SGCD: variants seen among roughly 807,000 people sequenced by gnomAD.
SGCD encodes the protein delta-sarcoglycan.
Under a neutral mutation model 36.6 loss-of-function variants are expected in SGCD, and 18 were observed. That is an observed-to-expected ratio of 0.49 (90% CI 0.34 to 0.73). SGCD has a LOEUF of 0.73. Ranked by LOEUF, SGCD falls within the 30% of genes least tolerant of loss-of-function variation. The probability of loss-of-function intolerance (pLI) is 0.01; values close to 1 mark genes in which losing one functional copy is unlikely to be tolerated. For missense variants in SGCD, 387 were observed against 346.7 expected (o/e 1.12, Z -0.92); for synonymous variants, 133 against 130.6 (o/e 1.02, Z -0.12).
chr5:156,617,059 A>G (rs138360058), intron 6 of SGCD, among the ~76,000 whole-genome samples: 117 of 152,336 alleles, frequency 7.7e-4, no homozygotes, highest in Middle Eastern at 6.8e-3. Context: ...GACATGATGT[A>G]TATTTGTTCA....
intron 1 of SGCD, among the ~76,000 whole-genome samples, chr5:155,888,204 C>T (rs1756048964): frequency 6.6e-6 from 1 of 152,192 alleles, no homozygotes. Context: ...ACTTTGTCCC[C>T]AGGTTCTCCT....
At chr5:156,718,012 A>G (rs1755305444) in intron 7 of SGCD, among the ~76,000 whole-genome samples, 1 of 152,192 alleles carries the variant, frequency 6.6e-6, no homozygotes, top group African/African-American at 2.4e-5. Context: ...ACTGTAACCA[A>G]GATTTGTCAT....
intron 1 of SGCD, among the ~76,000 whole-genome samples, chr5:155,998,792 A>G (rs921134354): frequency 3.9e-5 from 6 of 152,230 alleles, no homozygotes; most frequent in South Asian, 2.1e-4. Flanking sequence ...CACACTTTCT[A>G]TGACTTACCT....
intron 3 of SGCD, among the ~76,000 whole-genome samples, chr5:156,489,440 C>T (rs1240910768): frequency 1.3e-5 from 2 of 152,004 alleles, no homozygotes; most frequent in East Asian, 1.9e-4. Flanking sequence ...CTCAACTATA[C>T]ATAGAACATT....
At chr5:156,536,881 T>C (rs932534565) in intron 4 of SGCD, among the ~76,000 whole-genome samples, 2 of 152,182 alleles carry the variant, frequency 1.3e-5, no homozygotes, top group African/African-American at 4.8e-5. Flanking sequence ...CCTTTGGTTG[T>C]CTGGGCCCTC....
chr5:155,763,799 C>A, the SGCD span, among the ~76,000 whole-genome samples: 3 of 146,436 alleles, frequency 2.0e-5, no homozygotes, highest in African/African-American at 7.6e-5. Context: ...AAGCAATGAC[C>A]CCCCACCAAA....
intron 3 of SGCD, among the ~76,000 whole-genome samples, chr5:156,470,049 T>C (rs1375117598): frequency 6.6e-6 from 1 of 152,206 alleles, no homozygotes; most frequent in Non-Finnish European, 1.5e-5. Flanking sequence ...GTATACATTA[T>C]ATTCAATGTT....
At chr5:156,070,444 T>C (rs1367594898) in intron 1 of SGCD, among the ~76,000 whole-genome samples, 2 of 150,842 alleles carry the variant, frequency 1.3e-5, no homozygotes, top group Non-Finnish European at 2.9e-5. Flanking sequence ...TATTGATTTG[T>C]GTATATTGAA....
intron 4 of SGCD, among the ~76,000 whole-genome samples, chr5:156,547,150 A>G (rs974233567): frequency 1.3e-5 from 2 of 152,180 alleles, no homozygotes; most frequent in Non-Finnish European, 2.9e-5. Flanking sequence ...TTCCAGAATA[A>G]GTTTCTCAGC....
intron 1 of SGCD, among the ~76,000 whole-genome samples, chr5:155,890,045 C>T (rs952959698): frequency 6.6e-6 from 1 of 152,176 alleles, no homozygotes; most frequent in Non-Finnish European, 1.5e-5. Context: ...GATTCTAAGA[C>T]TCCAGGTCCA....
chr5:156,581,202 C>G (rs531049293), intron 4 of SGCD, among the ~76,000 whole-genome samples: 6 of 152,302 alleles, frequency 3.9e-5, no homozygotes, highest in Middle Eastern at 3.4e-3. Flanking sequence ...CACTCCAGAC[C>G]CTGTTTGCCT....
At chr5:156,705,895 G>A (rs1294393558) in intron 7 of SGCD, among the ~76,000 whole-genome samples, 6 of 151,992 alleles carry the variant, frequency 3.9e-5, no homozygotes, top group South Asian at 2.1e-4. Flanking sequence ...CTTGTCCTTC[G>A]CTACTATTTT....
At chr5:156,054,056 C>T (rs749398284) in intron 1 of SGCD, among the ~76,000 whole-genome samples, 2 of 145,638 alleles carry the variant, frequency 1.4e-5, no homozygotes, top group African/African-American at 2.5e-5. Context: ...ATGAGAGGGA[C>T]ACCAACATTC....
At chr5:155,738,785 TGA>T in the SGCD span, among the ~76,000 whole-genome samples, 1 of 145,266 alleles carries the variant, frequency 6.9e-6, no homozygotes, top group Non-Finnish European at 1.5e-5. Flanking sequence ...AGAATGTGTG[TGA>T]GTGTGCATGT....
At chr5:155,736,389 A>G in the SGCD span, among the ~76,000 whole-genome samples, 5 of 152,112 alleles carry the variant, frequency 3.3e-5, no homozygotes, top group African/African-American at 1.2e-4. Context: ...TCAGGCTGAG[A>G]TTATTGGTGT....
chr5:155,921,566 GA>G (rs78365975), intron 1 of SGCD, among the ~76,000 whole-genome samples: 21,287 of 151,958 alleles, frequency 0.14, 2,269 homozygotes, highest in Admixed American at 0.35. Context: ...TCTCTGGAAA[GA>G]AAGGGGAAAA....
upstream of SGCD, among the ~76,000 whole-genome samples, chr5:155,866,895 G>A (rs367687034): frequency 4.1e-4 from 62 of 152,262 alleles, no homozygotes; most frequent in South Asian, 2.7e-3. Context: ...GAACTTTGGA[G>A]AAAGTGTAAA....
chr5:156,270,758 A>G (rs1766154900), intron 3 of SGCD, among the ~76,000 whole-genome samples: 2 of 152,122 alleles, frequency 1.3e-5, no homozygotes, highest in South Asian at 2.1e-4. Context: ...TCATCTGTGT[A>G]GTAGGGGCAT....
chr5:155,767,245 C>A, the SGCD span, among the ~76,000 whole-genome samples: 1 of 152,152 alleles, frequency 6.6e-6, no homozygotes, highest in Non-Finnish European at 1.5e-5. Flanking sequence ...TGATTTTCAC[C>A]AGGATGGCTG....
Sources: allele counts gnomAD v4.1 joint callset (sites outside exome capture counted in the v4.1 genomes callset), GRCh38; gene constraint gnomAD v4.1.1; transcripts MANE v1.5; gene names NCBI Gene and HGNC (gene_info 2026-07-23, HGNC 2026-07-21).